Variants in ACADM observed in about 807,000 individuals in gnomAD.
ACADM encodes acyl-CoA dehydrogenase medium chain, also known as medium-chain specific acyl-CoA dehydrogenase, mitochondrial.
Under a neutral mutation model 58.9 loss-of-function variants are expected in ACADM, and 49 were observed. The ratio of observed to expected loss-of-function variants is 0.83; its 90% confidence interval spans 0.66 to 1.06. The LOEUF (loss-of-function observed/expected upper bound fraction) is 1.06, where lower values mean the gene tolerates loss of function less well. ACADM is among the 50% of genes least tolerant of loss of function. ACADM has a pLI of 0.00. For missense variants in ACADM, 496 were observed against 507.0 expected, an observed-to-expected ratio of 0.98 and a Z score of 0.21; for synonymous variants, 160 against 157.7, an observed-to-expected ratio of 1.01 and a Z score of -0.11.
chr1:75,755,574 A>G (rs905915508), intron 10 of ACADM, among the ~76,000 whole-genome samples: 3 of 152,196 alleles, frequency 2.0e-5, no homozygotes, highest in Non-Finnish European at 2.9e-5. Flanking sequence ...AAACTAACAA[A>G]CAGAAAGGAC....
In ACADM at chr1:75,740,100, A is replaced by G. The variant is rs1199770829; in HGVS notation, c.589A>G (p.Lys197Glu). Reference sequence around the variant, plus strand: ...GAAGATGTGGATAACCAACGGAGGAAAAGCTAATTGGTATGTTGTTCAAAA... The same window carrying G: ...GAAGATGTGGATAACCAACGGAGGAGAAGCTAATTGGTATGTTGTTCAAAA... ...GQKMWITNGGKANWYFLLARS... is the reference protein window; with the variant it reads ...GQKMWITNGGEANWYFLLARS... The change falls in exon 7 of 12, where the codon AAA (lysine) becomes GAA (glutamate). Residue 197 changes from lysine (K) to glutamate (E), a missense_variant. Transcript: ENST00000370841. 2.5e-6 allele frequency: 4 copies of G among 1,611,156 alleles called. No individual in the cohort carries two copies. In the East Asian group the frequency reaches 6.7e-5, roughly 27 times the overall value.
chr1:75,733,342 A>C lies in ACADM; in HGVS notation c.287-186A>C, dbSNP rs916404007. On this transcript the variant is annotated intron_variant, in intron 4 of 11. Transcript: ENST00000370841. ...TTACAAATAGTAAAATAATTTTTTG[A>C]AAATTTTAGAGCTTTAAGAAAGTAT... 2.9e-6 allele frequency: 3 copies of C among 1,022,176 alleles called. No individual in the cohort carries two copies. The African/African-American group carries it at 4.9e-5, about 17-fold the overall frequency. 63.3% of individuals were successfully genotyped at this position (1,022,176 alleles called of 1,614,324 possible). A position where few individuals can be genotyped will look rare whatever the true frequency, so the allele number is the denominator to read the frequency against.
At chr1:75,726,016 A>G (rs965937711) in intron 1 of ACADM, among the ~76,000 whole-genome samples, 10 of 152,346 alleles carry the variant, frequency 6.6e-5, no homozygotes, top group South Asian at 2.1e-4. Context: ...TAACAGGTTG[A>G]TGGGCATTGT....
rs1160368175 is a variant in ACADM, at chr1:75,734,160, ATTT to A, written c.387+551_387+553del. Among the ~76,000 whole-genome samples the A allele has an allele frequency of 2.5e-3, 210 of 84,216 alleles. 1 individual carries two copies. The highest frequency in any genetic ancestry group is 9.6e-3 in the African/African-American group (191 of 19,840). 55.2% of individuals were successfully genotyped at this position (84,216 alleles called of 152,430 possible). On this transcript the variant is annotated intron_variant, in intron 5 of 11. Coordinates refer to ENST00000370841, the MANE Select transcript of ACADM (RefSeq NM_000016.6). The stretch of plus-strand genomic sequence containing the variant: ...ACCACCACGCCCAGCTAATTTTTGT[ATTT>A]TTTTTTTTTTTTTTTTTTGAGACGG...
At chr1:75,732,122 A>T (rs1317808731) in intron 2 of ACADM, among the ~76,000 whole-genome samples, 1 of 151,688 alleles carries the variant, frequency 6.6e-6, no homozygotes, top group African/African-American at 2.4e-5. Context: ...ACTGCACTCC[A>T]GCCTGAGTGA....
chr1:75,728,424 T>G lies in ACADM; in HGVS notation c.54T>G (p.Phe18Leu). ...CCRVLRSISR[F>L]HWRSQHTKAN... ...AGGTCCTGAGAAGTATTTCTCGTTT[T>G]CATTGGAGATCACAGCATACAAAAG... Residue 18 changes from phenylalanine to leucine, a missense_variant, in exon 2 of 12, where the codon TTT becomes TTG. Physicochemically the swap from Phe to Leu is conservative, Grantham distance 22. Coordinates refer to ENST00000370841, the MANE Select transcript of ACADM (RefSeq NM_000016.6). 6.2e-7 allele frequency: 1 copy of G among 1,613,486 alleles called. No individual in the cohort carries two copies. The highest frequency in any genetic ancestry group is 1.3e-5 in the African/African-American group (1 of 75,034).
chr1:75,734,063 G>A (rs572533361), intron 5 of ACADM, among the ~76,000 whole-genome samples: 1 of 152,042 alleles, frequency 6.6e-6, no homozygotes, highest in Non-Finnish European at 1.5e-5. Flanking sequence ...TTGGCTCACT[G>A]CAACCTGCAC....
rs912900449 is a variant in ACADM, at chr1:75,762,930, C to G, written c.*167C>G. The G allele has an allele frequency of 9.5e-6, 5 of 525,524 alleles. No individual in the cohort carries two copies. The highest frequency in any genetic ancestry group is 1.7e-5 in the Non-Finnish European group (5 of 291,694). The allele number at this position is 525,524 out of a possible 1,614,324, so 32.6% of individuals were successfully genotyped here. On this transcript the variant is annotated 3_prime_UTR_variant, in exon 12 of 12. Transcript: ENST00000370841. ...ATACTTTTGCTTAACTCTGTTATGT[C>G]TCTTAAGCAGGTTTGGTTTTTATTA...
chr1:75,733,565 T>G lies in ACADM; in HGVS notation c.324T>G (p.Ile108Met). 6.2e-7 allele frequency: 1 copy of G among 1,614,134 alleles called. No homozygotes were observed. Among genetic ancestry groups the G allele is most frequent in the Non-Finnish European group, 8.5e-7 (1 of 1,180,000 alleles). Residue 108 changes from isoleucine (I) to methionine (M), a missense_variant, in exon 5 of 12, where the codon ATT becomes ATG. Physicochemically the swap from Ile to Met is conservative, Grantham distance 10. Coordinates refer to ENST00000370841, the MANE Select transcript of ACADM (RefSeq NM_000016.6). ...TTGGAACTTTTGATGCTTGTTTAAT[T>G]AGTGAAGAATTGGCTTATGGATGTA... ...LGLGTFDACL[I>M]SEELAYGCTG...
chr1:75,735,090 C>T (rs1446527687), intron 6 of ACADM, among the ~76,000 whole-genome samples: 3 of 152,040 alleles, frequency 2.0e-5, no homozygotes, highest in African/African-American at 7.2e-5. Context: ...GAGGCGGAGG[C>T]GGGCAGATTA....
intron 8 of ACADM, among the ~76,000 whole-genome samples, chr1:75,747,572 AC>A (rs1359075214): frequency 6.6e-6 from 1 of 152,114 alleles, no homozygotes; most frequent in African/African-American, 2.4e-5. Context: ...AACTATTTGA[AC>A]CCAGGAGTTC....
At chr1:75,752,495 T>C (rs1648262783) in intron 10 of ACADM, among the ~76,000 whole-genome samples, 1 of 152,232 alleles carries the variant, frequency 6.6e-6, no homozygotes, top group Non-Finnish European at 1.5e-5. Context: ...TTAACCTTAG[T>C]TTCATAATGT....
intron 1 of ACADM, among the ~76,000 whole-genome samples, chr1:75,725,746 G>A (rs1647044122): frequency 6.6e-6 from 1 of 152,200 alleles, no homozygotes; most frequent in South Asian, 2.1e-4. Context: ...AGAGCCCGAA[G>A]TAATAAAACC....
chr1:75,761,058 C>T, intron 10 of ACADM, 64 bp from the exon 11 acceptor site: 1 of 1,495,052 alleles, frequency 6.7e-7, no homozygotes, highest in Non-Finnish European at 9.1e-7. Flanking sequence ...ATGAAAAAGC[C>T]CCAGGAAAAA....
chr1:75,727,173 T>C (rs1557440109), intron 1 of ACADM, among the ~76,000 whole-genome samples: 1 of 152,216 alleles, frequency 6.6e-6, no homozygotes, highest in Non-Finnish European at 1.5e-5. Context: ...TGTATGTTTT[T>C]ATTACTGTAG....
chr1:75,734,680 C>T (rs1324903202), intron 5 of ACADM, 111 bp from the exon 6 acceptor site: 2 of 834,284 alleles, frequency 2.4e-6, no homozygotes, highest in East Asian at 2.7e-5. Context: ...GTTCTTTGGA[C>T]TTACCTGTTA....
chr1:75,742,921 C>CGTTTCTTCT (rs1557452642), intron 7 of ACADM, among the ~76,000 whole-genome samples: 1 of 152,000 alleles, frequency 6.6e-6, no homozygotes, highest in Non-Finnish European at 1.5e-5. Context: ...AAAGCAGCAC[C>CGTTTCTTCT]TCTTTGCCTG....
intron 6 of ACADM, among the ~76,000 whole-genome samples, chr1:75,736,477 G>A (rs939912749): frequency 3.9e-5 from 6 of 152,250 alleles, no homozygotes; most frequent in Admixed American, 3.9e-4. Flanking sequence ...TGAGAGGTTA[G>A]CTAAACATTC....
chr1:75,726,905 A>C (rs2100342076), intron 1 of ACADM, among the ~76,000 whole-genome samples: 1 of 151,326 alleles, frequency 6.6e-6, no homozygotes, highest in Non-Finnish European at 1.5e-5. Context: ...TCCGGGTTCA[A>C]GCGATTCTCC....
Sources: gnomAD v4.1 joint callset for allele counts (sites outside exome capture counted in the v4.1 genomes callset) on GRCh38, gnomAD v4.1.1 for gene constraint, MANE v1.5 for transcripts, NCBI Gene and HGNC (gene_info 2026-07-23, HGNC 2026-07-21) for gene names.